C1orf216: variants seen among roughly 807,000 people sequenced by gnomAD.
C1orf216 encodes UPF0500 protein C1orf216.
A neutral mutation model predicts 16.4 loss-of-function variants in C1orf216; 18 were observed. The observed-to-expected ratio is 1.10, with a 90% CI of 0.76 to 1.63. The LOEUF is 1.63. Ranked by LOEUF, C1orf216 falls within the 40% of genes most tolerant of loss-of-function variation. The pLI is 0.00. For synonymous variants in C1orf216, 115 were observed against 116.9 expected, an observed-to-expected ratio of 0.98 and a Z score of 0.11; for missense variants, 271 against 297.6, an observed-to-expected ratio of 0.91 and a Z score of 0.66.
intron 1 of C1orf216, 165 bp from the exon 2 acceptor site, chr1:35,716,491 C>G: frequency 1.6e-6 from 1 of 626,872 alleles, no homozygotes; most frequent in Admixed American, 3.0e-5. Context: ...TTTTCGTCCT[C>G]CCTGTCTACC....
rs1395222218 is a variant in C1orf216 at position 35,714,410 on chromosome 1, C to T, written c.*1222G>A. On this transcript the variant is annotated 3_prime_UTR_variant, in exon 2 of 2. Coordinates refer to ENST00000270815, the MANE Select transcript of C1orf216 (RefSeq NM_152374.2). ...GACAGTCCGACTTCAGAGAAATGAA[C>T]CAAACCAATTCAACATCCAATGCTG... 6.6e-6 allele frequency: 1 copy of T among 152,232 alleles called. No homozygotes were observed. Among genetic ancestry groups the T allele is most frequent in the African/African-American group, 2.4e-5 (1 of 41,446 alleles). The allele number at this position is 152,232 out of a possible 1,614,324, so 9.4% of individuals were successfully genotyped here. A position where few individuals can be genotyped will look rare whatever the true frequency, so the allele number is the denominator to read the frequency against.
At chr1:35,717,614 T>G (rs1196795032) in intron 1 of C1orf216, among the ~76,000 whole-genome samples, 1 of 152,202 alleles carries the variant, frequency 6.6e-6, no homozygotes, top group Non-Finnish European at 1.5e-5. Context: ...TGCCTTCCTC[T>G]GGGTCCCCAC....
Position 35,714,513 on chromosome 1 carries a change from G to A in C1orf216, c.*1119C>T, listed in dbSNP as rs952445380. ...TTCCTCATCGGCCTTGGAACATCTT[G>A]TCTGTTACTTGCAAGCTTATAAACA... On this transcript the variant is annotated 3_prime_UTR_variant, in exon 2 of 2. Transcript: ENST00000270815. 1 of 152,186 alleles carries A rather than the reference G, an allele frequency of 6.6e-6. No homozygotes were observed. Among genetic ancestry groups the A allele is most frequent in the Non-Finnish European group, 1.5e-5 (1 of 68,038 alleles). The allele number at this position is 152,186 out of a possible 1,614,324, so 9.4% of individuals were successfully genotyped here.
chr1:35,715,645 TG>T lies in C1orf216; in HGVS notation c.676del (p.Gln226ArgfsTer38). 1 of 1,613,096 alleles carries T rather than the reference TG, an allele frequency of 6.2e-7. No individual in the cohort carries two copies. The highest frequency in any genetic ancestry group is 8.5e-7 in the Non-Finnish European group (1 of 1,179,348). Reference protein sequence around the residue: ...LQQRAAPSRPQDQA With the variant: ...LQQRAAPSRPXDQA ...GGAGGCACACCCTTAGGCCTGGTCC[TG>T]GGGCCTGGATGGTGCTGCCCTCTGC... On this transcript the variant is annotated frameshift_variant, in exon 2 of 2. Coordinates refer to ENST00000270815, the MANE Select transcript of C1orf216 (RefSeq NM_152374.2). LOFTEE classifies it high-confidence loss of function. This position sits in a 1 kb window ranked among gnomAD's most constrained non-coding sequence, Gnocchi z 4.3.
At chr1:35,718,409 A>G (rs915163105) in intron 1 of C1orf216, among the ~76,000 whole-genome samples, 1 of 151,856 alleles carries the variant, frequency 6.6e-6, no homozygotes, top group East Asian at 1.9e-4. Context: ...CCTCGCCCCA[A>G]TTTTTTATTT....
rs754176327 is a variant in C1orf216 at position 35,716,125 on chromosome 1, G to A, written c.197C>T (p.Ser66Phe). The A allele has an allele frequency of 4.3e-6, 7 of 1,614,212 alleles. No homozygotes were observed. The East Asian group carries it at 1.6e-4, about 36-fold the overall frequency. ...ILRRSSSESP[S>F]DNQAFQAPGS... The stretch of plus-strand genomic sequence containing the variant: ...AGGGGCCTGGAAGGCTTGGTTGTCA[G>A]AGGGTGACTCAGAGGAGCTCCTCCT... Residue 66 changes from serine to phenylalanine, a missense_variant, in exon 2 of 2, where the codon TCT (serine) becomes TTT (phenylalanine). Transcript: ENST00000270815.
At position 35,716,142 on chromosome 1, in the gene C1orf216, GCTC is replaced by G. The variant is rs1384398838; in HGVS notation, c.177_179del (p.Arg59del). The G allele has an allele frequency of 6.2e-7, 1 of 1,614,256 alleles. No homozygotes were observed. The highest frequency in any genetic ancestry group is 1.1e-5 in the South Asian group (1 of 91,090). ...GGTTGTCAGAGGGTGACTCAGAGGA[GCTC>G]CTCCTCAGGATAGGTTCCACTCTGC... is the stretch of plus-strand genomic sequence containing the variant. On this transcript the variant is annotated inframe_deletion, in exon 2 of 2. Transcript: ENST00000270815.
chr1:35,715,366 C>A lies in C1orf216; in HGVS notation c.*266G>T. On this transcript the variant is annotated 3_prime_UTR_variant, in exon 2 of 2. Coordinates refer to ENST00000270815, the MANE Select transcript of C1orf216 (RefSeq NM_152374.2). This position sits in a 1 kb window ranked among gnomAD's most constrained non-coding sequence, Gnocchi z 4.3. ...ATACCGAGTTCCTCATTCTTACATA[C>A]TACACACACACACATATGTTCACTC... 3.9e-6 allele frequency: 2 copies of A among 516,558 alleles called. No homozygotes were observed. 32.0% of individuals were successfully genotyped at this position (516,558 alleles called of 1,614,324 possible).
chr1:35,716,058 T>C lies in C1orf216; in HGVS notation c.264A>G (p.Ala88=), dbSNP rs749644055. Residue 88 remains alanine, a synonymous_variant, in exon 2 of 2, where the codon GCA becomes GCG. Transcript: ENST00000270815. ...EEGVRSPPEG[A]EIPGAEPEKM... ...TCTCAGGCTCAGCCCCGGGAATCTC[T>C]GCCCCCTCTGGGGGGCTGCGCACCC... 9 of 1,613,944 alleles carry C rather than the reference T, an allele frequency of 5.6e-6. No individual in the cohort carries two copies. The African/African-American group carries it at 6.7e-5, about 12-fold the overall frequency.
At chr1:35,717,288 C>A (rs180907985) in intron 1 of C1orf216, among the ~76,000 whole-genome samples, 1 of 152,242 alleles carries the variant, frequency 6.6e-6, no homozygotes, top group East Asian at 1.9e-4. Context: ...TGCTAAACCT[C>A]TACCTGGCCT....
In C1orf216 at chr1:35,716,049, G is replaced by C; in HGVS notation, c.273C>G (p.Pro91=). The part of the protein sequence containing the change: ...VRSPPEGAEI[P]GAEPEKMGGA... ...CACCCATCTTCTCAGGCTCAGCCCC[G>C]GGAATCTCTGCCCCCTCTGGGGGGC... The change falls in exon 2 of 2, where the codon CCC becomes CCG. Residue 91 remains proline, a synonymous_variant. Transcript: ENST00000270815. The C allele has an allele frequency of 6.2e-7, 1 of 1,614,076 alleles. No individual in the cohort carries two copies. Among genetic ancestry groups the C allele is most frequent in the Non-Finnish European group, 8.5e-7 (1 of 1,180,028 alleles).
rs956470339 is a variant in C1orf216 at position 35,718,859 on chromosome 1, G to C, written c.-158C>G. ...GGGCAGCGCGCCCAGCCCCAGTCCCGGACTGCGGAGTCAGGCGGCGTCTGC... is the reference window on the plus strand; with the variant it reads ...GGGCAGCGCGCCCAGCCCCAGTCCCCGACTGCGGAGTCAGGCGGCGTCTGC... On this transcript the variant is annotated 5_prime_UTR_variant, in exon 1 of 2. Transcript: ENST00000270815. 4 of 152,278 alleles carry C rather than the reference G, an allele frequency of 2.6e-5. No homozygotes were observed. The highest frequency in any genetic ancestry group is 2.6e-4 in the Admixed American group (4 of 15,292). 9.4% of individuals were successfully genotyped at this position (152,278 alleles called of 1,614,324 possible).
rs1640953923 is a variant in C1orf216, at chr1:35,716,154, G to T, written c.168C>A (p.Ile56=). 2 of 1,614,140 alleles carry T rather than the reference G, an allele frequency of 1.2e-6. No homozygotes were observed. Among genetic ancestry groups the T allele is most frequent in the African/African-American group, 2.7e-5 (2 of 74,950 alleles). The change falls in exon 2 of 2, where the codon ATC becomes ATA. Residue 56 remains isoleucine, a synonymous_variant. Coordinates refer to ENST00000270815, the MANE Select transcript of C1orf216 (RefSeq NM_152374.2). The stretch of plus-strand genomic sequence containing the variant: ...GTGACTCAGAGGAGCTCCTCCTCAG[G>T]ATAGGTTCCACTCTGCCTGGCATCC... The part of the protein sequence containing the change: ...WHGMPGRVEP[I]LRRSSSESPS...
chr1:35,718,327 G>A (rs1454549448), intron 1 of C1orf216, among the ~76,000 whole-genome samples: 2 of 152,164 alleles, frequency 1.3e-5, no homozygotes, highest in African/African-American at 2.4e-5. Flanking sequence ...GTCCTGGGGA[G>A]AAGGGTGTAG....
intron 1 of C1orf216, 116 bp from the exon 2 acceptor site, chr1:35,716,442 A>G (rs1249751489): frequency 1.1e-6 from 1 of 879,756 alleles, no homozygotes; most frequent in African/African-American, 1.7e-5. Context: ...CTCCCTGTCA[A>G]GCCCTTTCTC....
At position 35,716,137 on chromosome 1, in the gene C1orf216, G is replaced by A. The variant is rs779405000; in HGVS notation, c.185C>T (p.Ser62Phe). 3.1e-6 allele frequency: 5 copies of A among 1,614,230 alleles called. No individual in the cohort carries two copies. Among genetic ancestry groups the A allele is most frequent in the South Asian group, 1.1e-5 (1 of 91,088 alleles). The change falls in exon 2 of 2, where the codon TCT becomes TTT. Residue 62 changes from serine (S) to phenylalanine (F), a missense_variant. Physicochemically the swap from Ser to Phe is radical, Grantham distance 155. This residue lies in a region of C1orf216 where 220 missense variants were observed against 227.8 expected (regional missense o/e 0.97). Coordinates refer to ENST00000270815, the MANE Select transcript of C1orf216 (RefSeq NM_152374.2). Reference sequence around the variant, plus strand: ...GGCTTGGTTGTCAGAGGGTGACTCAGAGGAGCTCCTCCTCAGGATAGGTTC... The same window carrying A: ...GGCTTGGTTGTCAGAGGGTGACTCAAAGGAGCTCCTCCTCAGGATAGGTTC... ...RVEPILRRSS[S>F]ESPSDNQAFQ...
Position 35,715,921 on chromosome 1 carries a change from G to C in C1orf216, c.401C>G (p.Pro134Arg). Residue 134 changes from proline to arginine, a missense_variant, in exon 2 of 2, where the codon CCG becomes CGG. Around this residue, in one of 3 missense-constraint regions of C1orf216, gnomAD observed 220 missense variants for 227.8 expected, o/e 0.97. Transcript: ENST00000270815. This position sits in a 1 kb window ranked among gnomAD's most constrained non-coding sequence, Gnocchi z 4.3. ...GGGATCGGGAGGGCCAGGGCCTCGCGGGGTCCCACAGGCAGGCTCAGGACT... is the reference window on the plus strand; with the variant it reads ...GGGATCGGGAGGGCCAGGGCCTCGCCGGGTCCCACAGGCAGGCTCAGGACT... ...SSSPEPACGT[P>R]RGPGPPDPLL... is the part of the protein sequence containing the mutation. 1 of 1,614,142 alleles carries C rather than the reference G, an allele frequency of 6.2e-7. No homozygotes were observed. Among genetic ancestry groups the C allele is most frequent in the Non-Finnish European group, 8.5e-7 (1 of 1,180,022 alleles).
chr1:35,715,521 C>G lies in C1orf216; in HGVS notation c.*111G>C. The G allele has an allele frequency of 1.6e-6, 2 of 1,219,960 alleles. No homozygotes were observed. Among genetic ancestry groups the G allele is most frequent in the Non-Finnish European group, 2.3e-6 (2 of 881,646 alleles). The allele number at this position is 1,219,960 out of a possible 1,614,324, so 75.6% of individuals were successfully genotyped here. A position where few individuals can be genotyped will look rare whatever the true frequency, so the allele number is the denominator to read the frequency against. On this transcript the variant is annotated 3_prime_UTR_variant, in exon 2 of 2. Transcript: ENST00000270815. The surrounding 1 kb of genome is among the most constrained non-coding windows in gnomAD (Gnocchi z 4.3). ...ACACCAGCCTACATGTTAGCACATA[C>G]ACACTCATGCCTACCTGCAATCATG...
rs1204883591 is a variant in C1orf216 at position 35,716,349 on chromosome 1, C to T, written c.-5-23G>A. ...AGCCTGTAAAGGGAAAGCAGGAGACCGAGTCACAGTAGGACAGGGTGGGGT... is the reference window on the plus strand; with the variant it reads ...AGCCTGTAAAGGGAAAGCAGGAGACTGAGTCACAGTAGGACAGGGTGGGGT... On this transcript the variant is annotated intron_variant, in intron 1 of 1. Coordinates refer to ENST00000270815, the MANE Select transcript of C1orf216 (RefSeq NM_152374.2). 5.7e-6 allele frequency: 9 copies of T among 1,580,618 alleles called. No homozygotes were observed. The East Asian group carries it at 6.8e-5, about 12-fold the overall frequency.
Sources: gnomAD v4.1 joint callset for allele counts (sites outside exome capture counted in the v4.1 genomes callset) on GRCh38, gnomAD v4.1.1 for gene constraint, gnomAD v4.1.1 regional missense constraint, Gnocchi (gnomAD v3.1) non-coding constraint, MANE v1.5 for transcripts, NCBI Gene and HGNC (gene_info 2026-07-23, HGNC 2026-07-21) for gene names.